CPB2: variants seen among roughly 807,000 people sequenced by gnomAD.
CPB2 encodes the protein carboxypeptidase B2.
A neutral mutation model predicts 57.0 loss-of-function variants in CPB2; 54 were observed. That is an observed-to-expected ratio of 0.95 (90% CI 0.76 to 1.19). CPB2 has a LOEUF of 1.19. Among genes scored for constraint, CPB2 ranks in the 50% most tolerant of loss-of-function variants. The probability of loss-of-function intolerance (pLI) is 0.00; values close to 1 mark genes in which losing one functional copy is unlikely to be tolerated. For synonymous variants in CPB2, 189 were observed against 178.1 expected, an observed-to-expected ratio of 1.06 and a Z score of -0.49; for missense variants, 426 against 512.0, an observed-to-expected ratio of 0.83 and a Z score of 1.62.
intron 6 of CPB2, among the ~76,000 whole-genome samples, chr13:46,068,548 T>C (rs939074012): frequency 3.3e-5 from 5 of 152,158 alleles, no homozygotes; most frequent in Non-Finnish European, 5.9e-5. Context: ...TTTGTTTGTT[T>C]GTTTTTTATT....
chr13:46,054,990 A>G (rs2044677507), intron 10 of CPB2, among the ~76,000 whole-genome samples: 1 of 151,298 alleles, frequency 6.6e-6, no homozygotes, highest in Admixed American at 6.6e-5. Flanking sequence ...ACCTCAAGTG[A>G]TCCTCCTGCC....
chr13:46,084,227 A>T lies in CPB2; in HGVS notation c.267T>A (p.Ile89=). 6.2e-7 allele frequency: 1 copy of T among 1,614,166 alleles called. No individual in the cohort carries two copies. The highest frequency in any genetic ancestry group is 8.5e-7 in the Non-Finnish European group (1 of 1,180,004). The change falls in exon 3 of 11, where the codon ATT becomes ATA. Residue 89 remains isoleucine (I), a synonymous_variant. Transcript: ENST00000181383. ...NVKAHLNVSG[I]PCSVLLADVE... is the part of the protein sequence containing the mutation. Reference sequence around the variant, plus strand: ...TATTGAACGGTGCCTACCTGCATGGAATTCCGCTCACATTTAAATGGGCTT... The same window carrying T: ...TATTGAACGGTGCCTACCTGCATGGTATTCCGCTCACATTTAAATGGGCTT...
chr13:46,053,336 A>T lies in CPB2; in HGVS notation c.*278T>A. Reference sequence around the variant, plus strand: ...AAACTTGCTTGAGATGGCTAGTCAAACGTCGAAACTTGCTTGAGATGGCTA... The same window carrying T: ...AAACTTGCTTGAGATGGCTAGTCAATCGTCGAAACTTGCTTGAGATGGCTA... On this transcript the variant is annotated 3_prime_UTR_variant, in exon 11 of 11. Coordinates refer to ENST00000181383, the MANE Select transcript of CPB2 (RefSeq NM_001872.5). 1 of 286,806 alleles carries T rather than the reference A, an allele frequency of 3.5e-6. No homozygotes were observed. The allele number at this position is 286,806 out of a possible 1,614,324, so 17.8% of individuals were successfully genotyped here.
intron 1 of CPB2, among the ~76,000 whole-genome samples, chr13:46,102,177 T>G (rs2045442425): frequency 6.6e-6 from 1 of 152,208 alleles, no homozygotes; most frequent in Admixed American, 6.5e-5. Context: ...CCCTTTATCC[T>G]CAACCCTCCT....
chr13:46,067,401 C>T lies in CPB2; in HGVS notation c.608G>A (p.Gly203Glu). ...WFIGHITQFY[G>E]IIGQYTNLLR... is the part of the protein sequence containing the mutation. Reference sequence around the variant, plus strand: ...GAGATTGGTATATTGCCCTATTATCCCATAGAATTGAGTTATCTGCAAATT... The same window carrying T: ...GAGATTGGTATATTGCCCTATTATCTCATAGAATTGAGTTATCTGCAAATT... The change falls in exon 7 of 11, where the codon GGG becomes GAG. Residue 203 changes from glycine to glutamate, a missense_variant. Physicochemically the swap from Gly to Glu is moderately conservative, Grantham distance 98 (BLOSUM62 -2). Coordinates refer to ENST00000181383, the MANE Select transcript of CPB2 (RefSeq NM_001872.5). 6.4e-7 allele frequency: 1 copy of T among 1,566,730 alleles called. No individual in the cohort carries two copies. The highest frequency in any genetic ancestry group is 8.8e-7 in the Non-Finnish European group (1 of 1,139,128).
At chr13:46,083,433 A>G (rs1038623257) in intron 3 of CPB2, among the ~76,000 whole-genome samples, 4 of 152,180 alleles carry the variant, frequency 2.6e-5, no homozygotes, top group African/African-American at 9.7e-5. Context: ...AATATACTCT[A>G]TAATATATTA....
chr13:46,054,361 T>C (rs2044656508), intron 10 of CPB2, among the ~76,000 whole-genome samples: 1 of 152,238 alleles, frequency 6.6e-6, no homozygotes, highest in Non-Finnish European at 1.5e-5. Context: ...TAGACCTTTT[T>C]TTCTCCTTTC....
chr13:46,101,742 C>T (rs550438286), intron 1 of CPB2, among the ~76,000 whole-genome samples: 16 of 152,248 alleles, frequency 1.1e-4, no homozygotes, highest in African/African-American at 3.4e-4. Flanking sequence ...TGAAAGGGGA[C>T]GAGCAAATTG....
chr13:46,060,454 C>T (rs2139350549), intron 8 of CPB2, among the ~76,000 whole-genome samples: 1 of 96,492 alleles, frequency 1.0e-5, no homozygotes, highest in South Asian at 3.3e-4. Context: ...AGAACAAGAC[C>T]CTGCCACACA....
At chr13:46,078,931 C>T (rs776919203) in intron 4 of CPB2, 30 bp from the exon 5 acceptor site, 47 of 1,398,074 alleles carry the variant, frequency 3.4e-5, no homozygotes, top group South Asian at 6.9e-5. Flanking sequence ...AGGTTAGTCA[C>T]GAAGCCAAGT....
intron 1 of CPB2, among the ~76,000 whole-genome samples, chr13:46,102,761 AAAGAGT>A (rs1232055711): frequency 6.6e-6 from 1 of 152,146 alleles, no homozygotes; most frequent in Non-Finnish European, 1.5e-5. Context: ...TTACTCACAG[AAAGAGT>A]AGTTTGCAAT....
chr13:46,077,336 C>T (rs1181153018), intron 5 of CPB2, among the ~76,000 whole-genome samples: 2 of 152,138 alleles, frequency 1.3e-5, no homozygotes, highest in African/African-American at 4.8e-5. Flanking sequence ...CTCAACATCA[C>T]TAATCATCAG....
At chr13:46,099,435 G>C (rs979934469) in intron 1 of CPB2, 3 of 152,184 alleles carry the variant, frequency 2.0e-5, no homozygotes, top group African/African-American at 7.2e-5. Context: ...TTCATGTAAA[G>C]TATAGAGAAG....
intron 2 of CPB2, among the ~76,000 whole-genome samples, chr13:46,086,581 A>C (rs1174473085): frequency 6.6e-6 from 1 of 152,128 alleles, no homozygotes; most frequent in East Asian, 1.9e-4. Flanking sequence ...TGATTGGTTC[A>C]TGGGTGGCCA....
At chr13:46,097,444 A>T (rs1224341214) in intron 1 of CPB2, 1 of 152,188 alleles carries the variant, frequency 6.6e-6, no homozygotes, top group Non-Finnish European at 1.5e-5. Flanking sequence ...GTATGGGTTT[A>T]TCTCGCCTGC....
intron 10 of CPB2, among the ~76,000 whole-genome samples, chr13:46,054,892 A>G (rs374450206): frequency 2.1e-5 from 3 of 142,726 alleles, no homozygotes; most frequent in African/African-American, 8.2e-5. Context: ...CTGGCATTAC[A>G]GGCGCCTGCC....
intron 1 of CPB2, among the ~76,000 whole-genome samples, chr13:46,093,193 G>A (rs780160755): frequency 7.4e-4 from 112 of 152,270 alleles, no homozygotes; most frequent in Non-Finnish European, 9.8e-4. Flanking sequence ...GATTACAGGC[G>A]TGAGCCACCG....
At chr13:46,094,053 G>A (rs1242276306) in intron 1 of CPB2, among the ~76,000 whole-genome samples, 1 of 152,030 alleles carries the variant, frequency 6.6e-6, no homozygotes, top group African/African-American at 2.4e-5. Context: ...AATCTCCTTT[G>A]ACTGTGAAAA....
At chr13:46,078,365 G>GA (rs1406428722) in intron 5 of CPB2, among the ~76,000 whole-genome samples, 3 of 151,822 alleles carry the variant, frequency 2.0e-5, no homozygotes, top group Non-Finnish European at 4.4e-5. Flanking sequence ...ACAAGGACTT[G>GA]AAAAAAATAA....
Sources: gnomAD v4.1 joint callset for allele counts (sites outside exome capture counted in the v4.1 genomes callset) on GRCh38, gnomAD v4.1.1 for gene constraint, MANE v1.5 for transcripts, NCBI Gene and HGNC (gene_info 2026-07-23, HGNC 2026-07-21) for gene names.